Variants in NID2 observed in about 807,000 individuals in gnomAD.
NID2 encodes the protein nidogen 2.
NID2 carries 83 observed loss-of-function variants against 145.4 expected under a neutral mutation model. That is an observed-to-expected ratio of 0.57 (90% CI 0.48 to 0.69). NID2 has a LOEUF of 0.69. NID2 is among the 30% of genes least tolerant of loss of function. The pLI, the probability that NID2 is intolerant of heterozygous loss-of-function variation, is 0.00. For missense variants in NID2, 1,807 were observed against 1,765.7 expected (o/e 1.02, Z -0.42); for synonymous variants, 739 against 701.3 (o/e 1.05, Z -0.85).
intron 5 of NID2, among the ~76,000 whole-genome samples, chr14:52,052,901 C>T (rs1292669164): frequency 6.6e-6 from 1 of 152,122 alleles, no homozygotes; most frequent in East Asian, 1.9e-4. Context: ...GACATAGACC[C>T]CATGTCCATG....
chr14:52,041,850 A>G (rs1454613567), intron 7 of NID2, among the ~76,000 whole-genome samples: 4 of 152,238 alleles, frequency 2.6e-5, no homozygotes, highest in Non-Finnish European at 4.4e-5. Context: ...GAGGACACAA[A>G]TGTTCTGAAT....
At chr14:52,063,748 G>C (rs920859026) in intron 2 of NID2, among the ~76,000 whole-genome samples, 1 of 152,190 alleles carries the variant, frequency 6.6e-6, no homozygotes, top group Admixed American at 6.5e-5. Context: ...CTGGCCTCCA[G>C]TGTTTGCTGT....
chr14:52,037,942 GGT>G (rs1402443531), intron 9 of NID2, among the ~76,000 whole-genome samples: 1 of 152,152 alleles, frequency 6.6e-6, no homozygotes. Flanking sequence ...AATACAATTT[GGT>G]GTACTGATCT....
chr14:52,045,722 A>G (rs958664363), intron 5 of NID2, among the ~76,000 whole-genome samples: 3 of 152,322 alleles, frequency 2.0e-5, no homozygotes, highest in African/African-American at 7.2e-5. Flanking sequence ...TCAGAAATTC[A>G]CAACTAAGTG....
intron 5 of NID2, among the ~76,000 whole-genome samples, chr14:52,045,802 T>TTC (rs1310396718): frequency 6.6e-6 from 1 of 152,162 alleles, no homozygotes; most frequent in Non-Finnish European, 1.5e-5. Context: ...CATCAGGACT[T>TTC]TCTCCCAGAG....
chr14:52,054,390 G>C, intron 3 of NID2, 69 bp from the exon 4 acceptor site: 1 of 1,456,350 alleles, frequency 6.9e-7, no homozygotes, highest in Non-Finnish European at 9.3e-7. Context: ...CTTCCTAGAA[G>C]GTGAACAACT....
At chr14:52,036,019 A>G (rs1892058863) in intron 9 of NID2, among the ~76,000 whole-genome samples, 1 of 151,860 alleles carries the variant, frequency 6.6e-6, no homozygotes. Context: ...TTCAGTTGAG[A>G]AGTAATTCAC....
At chr14:52,007,469 A>G in intron 19 of NID2, 1 of 280,628 alleles carries the variant, frequency 3.6e-6, no homozygotes, top group South Asian at 3.9e-5. Flanking sequence ...ACAGATGTTT[A>G]TAGGTAAGTT....
At chr14:52,056,969 C>G (rs554637478) in intron 3 of NID2, among the ~76,000 whole-genome samples, 8 of 152,106 alleles carry the variant, frequency 5.3e-5, no homozygotes, top group African/African-American at 1.9e-4. Context: ...TAATTTATGA[C>G]CTTTGAGCTC....
intron 3 of NID2, among the ~76,000 whole-genome samples, chr14:52,055,152 T>C (rs1187520341): frequency 6.6e-6 from 1 of 152,222 alleles, no homozygotes; most frequent in Non-Finnish European, 1.5e-5. Flanking sequence ...TTCAATTTTA[T>C]AGAGGGGAAA....
chr14:52,015,109 G>C lies in NID2; in HGVS notation c.3195C>G (p.Asp1065Glu). 1.2e-6 allele frequency: 2 copies of C among 1,614,114 alleles called. No homozygotes were observed. The highest frequency in any genetic ancestry group is 1.7e-6 in the Non-Finnish European group (2 of 1,180,004). The change falls in exon 15 of 22, where the codon GAC (aspartate) becomes GAG (glutamate). Residue 1065 changes from aspartate (D) to glutamate (E), a missense_variant. Transcript: ENST00000216286. ...HGKSDFCWCVDKDGREVQGTR... is the reference protein window; with the variant it reads ...HGKSDFCWCVEKDGREVQGTR... Reference sequence around the variant, plus strand: ...TGCCCTGCACCTCTCTGCCATCTTTGTCCACACACCAGCAGAAGTCGCTCT... The same window carrying C: ...TGCCCTGCACCTCTCTGCCATCTTTCTCCACACACCAGCAGAAGTCGCTCT...
chr14:52,013,244 T>C (rs1414032177), intron 16 of NID2, among the ~76,000 whole-genome samples: 1 of 152,194 alleles, frequency 6.6e-6, no homozygotes, highest in Non-Finnish European at 1.5e-5. Context: ...CCTGTCCTGG[T>C]CAGGGGCATG....
chr14:52,035,634 C>T (rs926941635), intron 9 of NID2, among the ~76,000 whole-genome samples: 5 of 149,440 alleles, frequency 3.3e-5, no homozygotes, highest in East Asian at 2.1e-4. Flanking sequence ...CCACTGTACC[C>T]GATGAGAATG....
chr14:52,055,135 G>C (rs760595774), intron 3 of NID2, among the ~76,000 whole-genome samples: 4 of 152,176 alleles, frequency 2.6e-5, no homozygotes, highest in Non-Finnish European at 4.4e-5. Flanking sequence ...AAATAGAGGT[G>C]ATCATATTCA....
intron 1 of NID2, 78 bp downstream of exon 1, chr14:52,068,689 C>T (rs1893312632): frequency 7.5e-7 from 1 of 1,327,640 alleles, no homozygotes; most frequent in African/African-American, 1.4e-5. Flanking sequence ...GTTTCCTCCC[C>T]TCTGGAGGCA....
chr14:52,060,370 A>C lies in NID2; in HGVS notation c.535-14T>G. 1 of 1,120,036 alleles carries C rather than the reference A, an allele frequency of 8.9e-7. No individual in the cohort carries two copies. The highest frequency in any genetic ancestry group is 2.6e-5 in the East Asian group (1 of 39,082). 69.4% of individuals were successfully genotyped at this position (1,120,036 alleles called of 1,614,324 possible). ...GAAAGTGTTCAGCTGTGAGGAAAAA[A>C]AAAAAAAAAGAGAGAGAGAGAGAGA... On this transcript the variant is annotated splice_polypyrimidine_tract_variant and intron_variant, in intron 2 of 21. Transcript: ENST00000216286.
At chr14:52,051,627 T>A (rs897557863) in intron 5 of NID2, among the ~76,000 whole-genome samples, 2 of 152,226 alleles carry the variant, frequency 1.3e-5, no homozygotes, top group Admixed American at 6.5e-5. Context: ...CAATGTTTTA[T>A]GTGAAAGAAA....
At chr14:52,050,154 G>C (rs1566769206) in intron 5 of NID2, among the ~76,000 whole-genome samples, 1 of 152,180 alleles carries the variant, frequency 6.6e-6, no homozygotes, top group Admixed American at 6.5e-5. Flanking sequence ...GCCTCAGCAG[G>C]CTTAAGAATA....
chr14:52,033,698 G>T (rs1303632975), intron 9 of NID2, among the ~76,000 whole-genome samples: 1 of 152,242 alleles, frequency 6.6e-6, no homozygotes, highest in Non-Finnish European at 1.5e-5. Flanking sequence ...AAACTTTTGG[G>T]TGTTTCTTTT....
Sources: allele counts gnomAD v4.1 joint callset (sites outside exome capture counted in the v4.1 genomes callset), GRCh38; gene constraint gnomAD v4.1.1; transcripts MANE v1.5; gene names NCBI Gene and HGNC (gene_info 2026-07-23, HGNC 2026-07-21).